SLC4A8: variants seen among roughly 807,000 people sequenced by gnomAD.
SLC4A8 encodes the protein solute carrier family 4 member 8.
In SLC4A8, 40 loss-of-function variants were observed where a neutral mutation model predicts 125.0. The observed-to-expected ratio is 0.32, with a 90% CI of 0.25 to 0.42. The LOEUF is 0.42. Ranked by LOEUF, SLC4A8 falls within the 10% of genes least tolerant of loss-of-function variation. The pLI is 1.00. For synonymous variants in SLC4A8, 456 were observed against 476.0 expected, an observed-to-expected ratio of 0.96 and a Z score of 0.55; for missense variants, 863 against 1,355.1, an observed-to-expected ratio of 0.64 and a Z score of 5.70.
At chr12:51,397,464 G>A (rs1191062226) in intron 1 of SLC4A8, among the ~76,000 whole-genome samples, 1 of 152,126 alleles carries the variant, frequency 6.6e-6, no homozygotes, top group African/African-American at 2.4e-5. Flanking sequence ...AGAGAACAGA[G>A]AGGAGAATAA....
Position 51,424,887 on chromosome 12 carries a change from TG to T in SLC4A8, c.-96del. On this transcript the variant is annotated 5_prime_UTR_variant, in exon 1 of 25. The change creates a premature stop within an existing upstream ORF in the 5' untranslated region. Coordinates refer to ENST00000453097, the MANE Select transcript of SLC4A8 (RefSeq NM_001039960.3). ...TGATGGTTGACCGTTGGCTCCGGGG[TG>T]GGGGTCGCCGTTCGAGTGATCTGCT... 1.6e-6 allele frequency: 2 copies of T among 1,270,404 alleles called. No individual in the cohort carries two copies. The highest frequency in any genetic ancestry group is 2.2e-6 in the Non-Finnish European group (2 of 910,492). The allele number at this position is 1,270,404 out of a possible 1,614,324, so 78.7% of individuals were successfully genotyped here. A position where few individuals can be genotyped will look rare whatever the true frequency, so the allele number is the denominator to read the frequency against.
intron 7 of SLC4A8, 106 bp from the exon 8 acceptor site, chr12:51,459,845 G>T (rs938119692): frequency 4.3e-6 from 4 of 919,784 alleles, no homozygotes; most frequent in Admixed American, 4.6e-5. Context: ...CTCCAGAGTG[G>T]GTGATGTAGT....
intron 16 of SLC4A8, 119 bp downstream of exon 16, chr12:51,475,325 T>A: frequency 1.1e-6 from 1 of 887,400 alleles, no homozygotes; most frequent in Non-Finnish European, 1.8e-6. Flanking sequence ...GATGTCCTGA[T>A]GAGCCACACT....
At chr12:51,447,714 CTTTTTTTTTT>C (rs1239053396) in intron 2 of SLC4A8, among the ~76,000 whole-genome samples, 2 of 125,712 alleles carry the variant, frequency 1.6e-5, no homozygotes, top group Non-Finnish European at 3.3e-5. Flanking sequence ...GGGATTTCCA[CTTTTTTTTTT>C]TTTTTTTTTT....
At position 51,457,604 on chromosome 12, in the gene SLC4A8, G is replaced by A. The variant is rs976482978; in HGVS notation, c.763+65G>A. Reference sequence around the variant, plus strand: ...ACATTGGGAACTAGTTGGAGATGCTGACTTACTAGGGGTGGGGGCTGTATT... The same window carrying A: ...ACATTGGGAACTAGTTGGAGATGCTAACTTACTAGGGGTGGGGGCTGTATT... On this transcript the variant is annotated intron_variant, in intron 6 of 24. Transcript: ENST00000453097. 22 of 1,435,718 alleles carry A rather than the reference G, an allele frequency of 1.5e-5. No individual in the cohort carries two copies. The African/African-American group carries it at 3.0e-4, about 19-fold the overall frequency. The allele number at this position is 1,435,718 out of a possible 1,614,324, so 88.9% of individuals were successfully genotyped here.
At chr12:51,466,641 T>G (rs1050375761) in intron 11 of SLC4A8, 1 of 152,226 alleles carries the variant, frequency 6.6e-6, no homozygotes, top group Non-Finnish European at 1.5e-5. Context: ...GAAGCATCCA[T>G]GCCTGATGAA....
At chr12:51,503,244 A>T (rs1159505772) in intron 22 of SLC4A8, among the ~76,000 whole-genome samples, 2 of 142,264 alleles carry the variant, frequency 1.4e-5, no homozygotes, top group African/African-American at 2.6e-5. Flanking sequence ...TTTTTTTTTG[A>T]GACGGAGTCT....
chr12:51,399,093 T>A (rs573090399), intron 1 of SLC4A8, among the ~76,000 whole-genome samples: 27 of 152,298 alleles, frequency 1.8e-4, no homozygotes, highest in African/African-American at 6.0e-4. Context: ...CAAATTTCAT[T>A]AGGATTGAAG....
intron 2 of SLC4A8, among the ~76,000 whole-genome samples, chr12:51,447,596 A>G (rs1462311743): frequency 1.3e-5 from 2 of 152,134 alleles, no homozygotes; most frequent in African/African-American, 2.4e-5. Flanking sequence ...AGTCAAGGCC[A>G]TGAAGAGGAG....
chr12:51,401,595 T>C (rs1948394298), intron 1 of SLC4A8, among the ~76,000 whole-genome samples: 1 of 152,160 alleles, frequency 6.6e-6, no homozygotes, highest in Non-Finnish European at 1.5e-5. Context: ...CCTCTACTGA[T>C]CTGTTCCTCT....
intron 11 of SLC4A8, among the ~76,000 whole-genome samples, chr12:51,466,076 G>C (rs1319355362): frequency 6.6e-6 from 1 of 152,114 alleles, no homozygotes; most frequent in African/African-American, 2.4e-5. Context: ...GTATTTGAAG[G>C]CAGGGTGAAG....
At chr12:51,451,404 C>T (rs896376780) in intron 3 of SLC4A8, among the ~76,000 whole-genome samples, 11 of 152,054 alleles carry the variant, frequency 7.2e-5, no homozygotes, top group Non-Finnish European at 1.0e-4. Context: ...CCACCGCACC[C>T]GGCCACTGTT....
intron 8 of SLC4A8, 82 bp from the exon 9 acceptor site, chr12:51,461,122 G>A: frequency 1.6e-6 from 1 of 623,222 alleles, no homozygotes; most frequent in Middle Eastern, 2.6e-4. Flanking sequence ...ATAAGAGAGA[G>A]AAATCTTATA....
chr12:51,463,713 C>T lies in SLC4A8; in HGVS notation c.1348C>T (p.Arg450Trp), dbSNP rs765315391. The change falls in exon 11 of 25, where the codon CGG (arginine) becomes TGG (tryptophan). Residue 450 changes from arginine to tryptophan, a missense_variant and splice_region_variant. Coordinates refer to ENST00000453097, the MANE Select transcript of SLC4A8 (RefSeq NM_001039960.3). ...HSGPELQRTG[R>W]LFGGLVLDIK... ...TGGGCCAGAACTTCAGCGCACTGGG[C>T]GGTAAGTCCTGGGACGTTTCACAGC... is the stretch of plus-strand genomic sequence containing the variant. 25 of 1,607,182 alleles carry T rather than the reference C, an allele frequency of 1.6e-5. No homozygotes were observed. Among genetic ancestry groups the T allele is most frequent in the Admixed American group, 6.7e-5 (4 of 59,944 alleles).
At chr12:51,452,628 G>C (rs970900197) in intron 4 of SLC4A8, among the ~76,000 whole-genome samples, 1 of 152,178 alleles carries the variant, frequency 6.6e-6, no homozygotes, top group African/African-American at 2.4e-5. Context: ...CATAGCATAG[G>C]TCCAGACTTC....
intron 11 of SLC4A8, 124 bp from the exon 12 acceptor site, chr12:51,469,490 T>G: frequency 2.6e-6 from 2 of 774,070 alleles, no homozygotes; most frequent in South Asian, 1.9e-5. Flanking sequence ...TGTACTGGGG[T>G]CAAACTGAAG....
intron 21 of SLC4A8, among the ~76,000 whole-genome samples, chr12:51,496,112 T>C (rs1436063952): frequency 7.2e-5 from 11 of 152,224 alleles, no homozygotes; most frequent in Non-Finnish European, 1.2e-4. Context: ...TAAGGGTTTG[T>C]ATTCGTGTGT....
chr12:51,437,410 G>A (rs1235670559), intron 1 of SLC4A8, among the ~76,000 whole-genome samples: 2 of 152,198 alleles, frequency 1.3e-5, no homozygotes, highest in African/African-American at 2.4e-5. Context: ...GGTCATGGAG[G>A]CAGATGCCTC....
At chr12:51,437,554 C>G (rs1949459751) in intron 1 of SLC4A8, among the ~76,000 whole-genome samples, 1 of 152,182 alleles carries the variant, frequency 6.6e-6, no homozygotes, top group Non-Finnish European at 1.5e-5. Context: ...ACACCAGCTT[C>G]CCTTTTGCCT....
Sources: gnomAD v4.1 joint callset for allele counts (sites outside exome capture counted in the v4.1 genomes callset) on GRCh38, gnomAD v4.1.1 for gene constraint, MANE v1.5 for transcripts, NCBI Gene and HGNC (gene_info 2026-07-23, HGNC 2026-07-21) for gene names.